Variants in GRIA4 observed in about 807,000 individuals in gnomAD.
GRIA4 encodes glutamate ionotropic receptor AMPA type subunit 4, also known as glutamate receptor 4.
In GRIA4, 34 loss-of-function variants were observed where a neutral mutation model predicts 104.0. The observed-to-expected ratio is 0.33, with a 90% CI of 0.25 to 0.44. The LOEUF (loss-of-function observed/expected upper bound fraction) is 0.44, where lower values mean the gene tolerates loss of function less well. Ranked by LOEUF, GRIA4 falls within the 20% of genes least tolerant of loss-of-function variation. The pLI is 1.00. For synonymous variants in GRIA4, 386 were observed against 381.9 expected (o/e 1.01, Z -0.13); for missense variants, 750 against 1,096.5 (o/e 0.68, Z 4.46).
At chr11:105,806,302 T>C (rs1242496766) in intron 4 of GRIA4, among the ~76,000 whole-genome samples, 1 of 151,832 alleles carries the variant, frequency 6.6e-6, no homozygotes, top group Non-Finnish European at 1.5e-5. Flanking sequence ...GTATTTAATT[T>C]AGCAGAACAG....
chr11:105,823,435 G>A (rs1248949786), intron 4 of GRIA4, among the ~76,000 whole-genome samples: 5 of 151,954 alleles, frequency 3.3e-5, no homozygotes, highest in Admixed American at 3.3e-4. Context: ...TACAGAAAAC[G>A]GGACAAAACA....
chr11:105,682,976 G>A (rs188780361), intron 3 of GRIA4, among the ~76,000 whole-genome samples: 30 of 152,040 alleles, frequency 2.0e-4, no homozygotes, highest in Non-Finnish European at 3.8e-4. Context: ...CATTCTACTC[G>A]AAGGGGAAAA....
chr11:105,895,704 A>C (rs1421699769), intron 6 of GRIA4, among the ~76,000 whole-genome samples: 2 of 152,130 alleles, frequency 1.3e-5, no homozygotes, highest in African/African-American at 4.8e-5. Context: ...CCTCTAGGCA[A>C]GAAGGGATAG....
rs935535910 is a variant in GRIA4, at chr11:105,980,673, C to T, written c.*934C>T. The T allele has an allele frequency of 5.2e-5, 8 of 152,440 alleles. No individual in the cohort carries two copies. Among genetic ancestry groups the T allele is most frequent in the African/African-American group, 1.7e-4 (7 of 41,354 alleles). 9.4% of individuals were successfully genotyped at this position (152,440 alleles called of 1,614,324 possible). A position where few individuals can be genotyped will look rare whatever the true frequency, so the allele number is the denominator to read the frequency against. On this transcript the variant is annotated 3_prime_UTR_variant, in exon 17 of 17. Transcript: ENST00000282499. ...TGTGTACAACATTGTGGTTTTTGTA[C>T]CCACCAAAAAGAATAAAACAGCAGA...
At chr11:105,677,530 A>G (rs373804676) in intron 3 of GRIA4, among the ~76,000 whole-genome samples, 1 of 152,052 alleles carries the variant, frequency 6.6e-6, no homozygotes. Context: ...ACAAAGAAGT[A>G]GTTTATTCAT....
chr11:105,814,496 G>T (rs758421698), intron 4 of GRIA4, among the ~76,000 whole-genome samples: 5 of 152,150 alleles, frequency 3.3e-5, no homozygotes, highest in Non-Finnish European at 5.9e-5. Flanking sequence ...TTGTTTGTGT[G>T]TAGGCTTGAG....
chr11:105,675,219 C>G (rs1032336008), intron 3 of GRIA4, among the ~76,000 whole-genome samples: 4 of 151,664 alleles, frequency 2.6e-5, no homozygotes, highest in Admixed American at 2.0e-4. Flanking sequence ...AACTGCTTCC[C>G]CCTCGTGCTG....
intron 4 of GRIA4, among the ~76,000 whole-genome samples, chr11:105,816,430 G>A (rs920992312): frequency 6.6e-6 from 1 of 152,008 alleles, no homozygotes; most frequent in African/African-American, 2.4e-5. Flanking sequence ...TTGTTTAAAA[G>A]TGTGTACTAC....
intron 3 of GRIA4, among the ~76,000 whole-genome samples, chr11:105,726,226 T>C (rs1039175797): frequency 1.3e-5 from 2 of 152,062 alleles, no homozygotes; most frequent in African/African-American, 2.4e-5. Context: ...CCACTATTAC[T>C]GAGGCTTGAG....
At position 105,841,190 on chromosome 11, in the gene GRIA4, T is replaced by C. The variant is rs536805061; in HGVS notation, c.488-20834T>C. 2.0e-3 allele frequency among the ~76,000 whole-genome samples: 311 copies of C among 152,208 alleles called. No homozygotes were observed. The Middle Eastern group carries it at 0.027, about 13-fold the overall frequency. ...ACTGAAAAAGTCACATAAGTCAACA[T>C]TCAAACACCTGAACCGAAGATAACG... On this transcript the variant is annotated intron_variant, in intron 4 of 16. Transcript: ENST00000282499.
intron 6 of GRIA4, among the ~76,000 whole-genome samples, chr11:105,891,722 T>C (rs73542816): frequency 1.1e-4 from 16 of 152,196 alleles, no homozygotes; most frequent in Non-Finnish European, 2.1e-4. Context: ...TGTGTACTCA[T>C]AGTATAGAAC....
intron 3 of GRIA4, among the ~76,000 whole-genome samples, chr11:105,635,198 AT>A (rs1161052849): frequency 6.6e-6 from 1 of 152,094 alleles, no homozygotes; most frequent in African/African-American, 2.4e-5. Context: ...ATTATCTTTA[AT>A]TTTCCTTGGA....
chr11:105,950,423 TC>T (rs1948429306), intron 14 of GRIA4, among the ~76,000 whole-genome samples: 1 of 152,184 alleles, frequency 6.6e-6, no homozygotes, highest in Non-Finnish European at 1.5e-5. Flanking sequence ...ATTTTTACAG[TC>T]CTATTTCTTC....
intron 10 of GRIA4, among the ~76,000 whole-genome samples, chr11:105,916,755 A>G (rs1355004527): frequency 6.6e-6 from 1 of 152,208 alleles, no homozygotes; most frequent in African/African-American, 2.4e-5. Context: ...TCATGTGTTC[A>G]GATATTGCAG....
intron 6 of GRIA4, among the ~76,000 whole-genome samples, chr11:105,891,125 C>T (rs188657768): frequency 1.5e-3 from 229 of 152,174 alleles, no homozygotes; most frequent in African/African-American, 3.8e-3. Context: ...TTTCTCTTTC[C>T]TAGTTCTTCT....
chr11:105,634,434 G>A (rs1000953111), intron 3 of GRIA4, among the ~76,000 whole-genome samples: 5 of 139,622 alleles, frequency 3.6e-5, no homozygotes, highest in East Asian at 4.1e-4. Context: ...AGGAAGGGAG[G>A]AGAAAGGAAG....
At chr11:105,696,550 T>G (rs1311558549) in intron 3 of GRIA4, among the ~76,000 whole-genome samples, 1 of 152,124 alleles carries the variant, frequency 6.6e-6, no homozygotes, top group Admixed American at 6.5e-5. Context: ...TTAAACGTTT[T>G]TAAAATTTAA....
intron 9 of GRIA4, among the ~76,000 whole-genome samples, chr11:105,905,839 G>C (rs779306829): frequency 2.0e-5 from 3 of 152,164 alleles, no homozygotes; most frequent in Non-Finnish European, 4.4e-5. Context: ...GGAAGGTGCT[G>C]GTGCTAGGTT....
chr11:105,675,494 A>G (rs935945570), intron 3 of GRIA4, among the ~76,000 whole-genome samples: 1 of 151,882 alleles, frequency 6.6e-6, no homozygotes, highest in African/African-American at 2.4e-5. Flanking sequence ...AAATTTTAAT[A>G]GAAACCTTTA....
Sources: gnomAD v4.1 joint callset for allele counts (sites outside exome capture counted in the v4.1 genomes callset) on GRCh38, gnomAD v4.1.1 for gene constraint, MANE v1.5 for transcripts, NCBI Gene and HGNC (gene_info 2026-07-23, HGNC 2026-07-21) for gene names.